APTX: variants seen among roughly 807,000 people sequenced by gnomAD.
APTX encodes the protein aprataxin, also known as forkhead-associated domain histidine triad-like protein.
Under a neutral mutation model 42.3 loss-of-function variants are expected in APTX, and 33 were observed. The observed-to-expected ratio is 0.78, with a 90% CI of 0.59 to 1.04. The LOEUF (loss-of-function observed/expected upper bound fraction) is 1.04, where lower values mean the gene tolerates loss of function less well. Among genes scored for constraint, APTX ranks in the 50% least tolerant of loss-of-function variants. APTX has a pLI of 0.00. For missense variants in APTX, 421 were observed against 415.1 expected (o/e 1.01, Z -0.12); for synonymous variants, 130 against 146.7 (o/e 0.89, Z 0.82).
chr9:32,982,760 C>T (rs1488324192), intron 6 of APTX, among the ~76,000 whole-genome samples: 1 of 152,112 alleles, frequency 6.6e-6, no homozygotes, highest in African/African-American at 2.4e-5. Context: ...GTGAAAAGGG[C>T]TCAGTGGCCA....
chr9:33,016,182 A>C (rs1837887528), intron 1 of APTX: 1 of 152,224 alleles, frequency 6.6e-6, no homozygotes, highest in Non-Finnish European at 1.5e-5. Flanking sequence ...TCCACTTTTC[A>C]GGTATATTCC....
At chr9:33,013,830 C>G (rs1837713488) in intron 1 of APTX, among the ~76,000 whole-genome samples, 1 of 152,124 alleles carries the variant, frequency 6.6e-6, no homozygotes, top group Non-Finnish European at 1.5e-5. Flanking sequence ...CAAGACCAAG[C>G]TCCTGCTCTA....
chr9:32,985,849 C>T (rs1035557982), intron 5 of APTX, 122 bp downstream of exon 5: 58 of 938,052 alleles, frequency 6.2e-5, no homozygotes, highest in Admixed American at 3.9e-5. Flanking sequence ...CACAGAACAG[C>T]CCAATAAAAT....
At position 33,017,935 on chromosome 9, in the gene APTX, C is replaced by CG. The variant is rs201174317; in HGVS notation, c.-5+7087_-5+7088insC. On this transcript the variant is annotated intron_variant, in intron 1 of 6. Transcript: ENST00000436040. ...GTTGCCCTAGCAACCAGCGCCCCCC[C>CG]CCCCCTCCCATTTTCGGGCTCTCCA... Among the ~76,000 whole-genome samples the CG allele has an allele frequency of 6.9e-3, 643 of 93,374 alleles. 14 individuals are homozygous for CG. Among genetic ancestry groups the CG allele is most frequent in the African/African-American group, 0.027 (602 of 22,402 alleles). 61.3% of individuals were successfully genotyped at this position (93,374 alleles called of 152,430 possible). A position where few individuals can be genotyped will look rare whatever the true frequency, so the allele number is the denominator to read the frequency against.
At chr9:33,023,590 G>T (rs112778601) in intron 1 of APTX, among the ~76,000 whole-genome samples, 2 of 152,148 alleles carry the variant, frequency 1.3e-5, no homozygotes, top group Admixed American at 1.3e-4. Context: ...GTTTATTAAC[G>T]GTTGGTTTAA....
chr9:32,996,596 G>A (rs954302668), intron 1 of APTX, among the ~76,000 whole-genome samples: 1 of 152,040 alleles, frequency 6.6e-6, no homozygotes, highest in Non-Finnish European at 1.5e-5. Context: ...TGGTCTCCTG[G>A]TATTCCTTTC....
intron 6 of APTX, among the ~76,000 whole-genome samples, chr9:32,981,297 A>G (rs547484301): frequency 3.2e-4 from 48 of 152,346 alleles, no homozygotes; most frequent in African/African-American, 1.1e-3. Flanking sequence ...GAAAGTAGTT[A>G]CAAAAAAGGA....
At chr9:32,987,434 A>G in intron 4 of APTX, 110 bp downstream of exon 4, 2 of 1,393,174 alleles carry the variant, frequency 1.4e-6, no homozygotes, top group Non-Finnish European at 2.0e-6. Context: ...CTCTTTCATC[A>G]TGGTTAATAA....
chr9:33,021,862 G>A (rs1838408553), intron 1 of APTX, among the ~76,000 whole-genome samples: 1 of 151,604 alleles, frequency 6.6e-6, no homozygotes, highest in East Asian at 1.9e-4. Flanking sequence ...GCAGTGGCAG[G>A]TGTCTGTAGT....
upstream of APTX, chr9:33,001,650 G>C (rs375155817): frequency 1.0e-3 from 1,638 of 1,610,556 alleles, 24 homozygotes; most frequent in South Asian, 0.017. Context: ...TCAGAGGCCG[G>C]CTGTATCGCG....
Position 32,987,860 on chromosome 9 carries a change from A to T in APTX, c.181-14T>A, listed in dbSNP as rs779324027. ...ATTGACTCCTACCTATGGAATAAACAATCAGAAAATAATTATAATAATAGC... is the reference window on the plus strand; with the variant it reads ...ATTGACTCCTACCTATGGAATAAACTATCAGAAAATAATTATAATAATAGC... On this transcript the variant is annotated splice_polypyrimidine_tract_variant and intron_variant, in intron 3 of 7. Transcript: ENST00000379817. 2.5e-6 allele frequency: 4 copies of T among 1,612,382 alleles called. No individual in the cohort carries two copies. The highest frequency in any genetic ancestry group is 3.3e-5 in the Admixed American group (2 of 60,000).
chr9:33,011,577 G>A (rs370064367), intron 1 of APTX, among the ~76,000 whole-genome samples: 1 of 152,152 alleles, frequency 6.6e-6, no homozygotes. Context: ...GAGCCACCGC[G>A]CCCGCCCGAA....
intron 5 of APTX, among the ~76,000 whole-genome samples, chr9:32,985,339 T>G (rs1472340324): frequency 1.1e-4 from 16 of 148,052 alleles, no homozygotes; most frequent in Non-Finnish European, 1.5e-4. Context: ...TTTTTTTTTT[T>G]TTTTTTTTTT....
At chr9:32,989,585 G>A (rs549740252) in intron 2 of APTX, 174 bp downstream of exon 2, 2 of 963,070 alleles carry the variant, frequency 2.1e-6, no homozygotes, top group Non-Finnish European at 1.6e-6. Flanking sequence ...ATCACATTGG[G>A]AGGGCAGAAT....
upstream of APTX, among the ~76,000 whole-genome samples, chr9:33,004,581 T>A (rs762236450): frequency 3.9e-5 from 6 of 152,028 alleles, no homozygotes; most frequent in Non-Finnish European, 7.4e-5. Context: ...ATTTTACATT[T>A]CTACCAATAG....
intron 1 of APTX, among the ~76,000 whole-genome samples, chr9:33,006,783 G>A (rs1411624386): frequency 1.3e-5 from 2 of 151,870 alleles, no homozygotes; most frequent in African/African-American, 2.4e-5. Flanking sequence ...GGCGAATCAC[G>A]AGGTCAGGAG....
At chr9:32,991,777 A>G (rs1446571716) in intron 1 of APTX, among the ~76,000 whole-genome samples, 3 of 130,160 alleles carry the variant, frequency 2.3e-5, no homozygotes, top group East Asian at 2.0e-4. Flanking sequence ...GCTCCATCTC[A>G]AGAAAAAAAA....
intron 1 of APTX, chr9:33,016,121 G>A (rs1200430090): frequency 6.6e-6 from 1 of 152,180 alleles, no homozygotes; most frequent in Non-Finnish European, 1.5e-5. Context: ...GCTATTAAAA[G>A]TCATTTTGTT....
At chr9:32,993,346 G>C (rs1166970857) in intron 1 of APTX, among the ~76,000 whole-genome samples, 1 of 152,170 alleles carries the variant, frequency 6.6e-6, no homozygotes, top group Non-Finnish European at 1.5e-5. Flanking sequence ...GAAATGGAGT[G>C]TTTTACAATA....
Sources: allele counts gnomAD v4.1 joint callset (sites outside exome capture counted in the v4.1 genomes callset), GRCh38; gene constraint gnomAD v4.1.1; transcripts MANE v1.5; gene names NCBI Gene and HGNC (gene_info 2026-07-23, HGNC 2026-07-21).